CUX1: variants seen among roughly 807,000 people sequenced by gnomAD.
CUX1 encodes the protein protein CASP.
In CUX1, 31 loss-of-function variants were observed where a neutral mutation model predicts 158.8. The ratio of observed to expected loss-of-function variants is 0.20; its 90% CI spans 0.15 to 0.26. CUX1 has a LOEUF of 0.26. Ranked by LOEUF, CUX1 falls within the 10% of genes least tolerant of loss-of-function variation. The pLI, the probability that CUX1 is intolerant of heterozygous loss-of-function variation, is 1.00. For synonymous variants in CUX1, 879 were observed against 862.1 expected, an observed-to-expected ratio of 1.02 and a Z score of -0.34; for missense variants, 1,589 against 2,014.6, an observed-to-expected ratio of 0.79 and a Z score of 4.04.
At position 102,200,266 on chromosome 7, in the gene CUX1, T is replaced by TA. The variant is rs34285499; in HGVS notation, c.2062+97dup. 165 of 976,024 alleles carry TA rather than the reference T, an allele frequency of 1.7e-4. No homozygotes were observed. In the African/African-American group the frequency reaches 2.5e-3, roughly 15 times the overall value. 60.5% of individuals were successfully genotyped at this position (976,024 alleles called of 1,614,324 possible). A position where few individuals can be genotyped will look rare whatever the true frequency, so the allele number is the denominator to read the frequency against. Reference sequence around the variant, plus strand: ...CAGCAGTAATTAACTATTTTTTTTTTAAACAATAATGAATGCCTGTTCTCA... The same window carrying TA: ...CAGCAGTAATTAACTATTTTTTTTTTAAAACAATAATGAATGCCTGTTCTCA... On this transcript the variant is annotated intron_variant, in intron 17 of 23. Transcript: ENST00000292535.
chr7:102,199,104 C>T (rs541222788), intron 16 of CUX1, among the ~76,000 whole-genome samples: 2 of 152,292 alleles, frequency 1.3e-5, no homozygotes, highest in South Asian at 4.2e-4. Flanking sequence ...AAGCTAAGCC[C>T]CCCGAGTCTG....
intron 6 of CUX1, among the ~76,000 whole-genome samples, chr7:102,108,736 TTGTGTGTGTGTG>T (rs10527026): frequency 7.6e-5 from 11 of 145,062 alleles, no homozygotes; most frequent in African/African-American, 2.1e-4. Context: ...TTCATTCATT[TTGTGTGTGTGTG>T]TGTGTGTGTG....
chr7:101,896,809 C>G (rs979829809), intron 1 of CUX1, among the ~76,000 whole-genome samples: 1 of 152,200 alleles, frequency 6.6e-6, no homozygotes, highest in African/African-American at 2.4e-5. Context: ...TGAAGTTTTT[C>G]ATCTTAGAGG....
chr7:101,939,089 ATATATATATATATATATATATAT>A (rs2129134718), intron 2 of CUX1, among the ~76,000 whole-genome samples: 1 of 87,882 alleles, frequency 1.1e-5, no homozygotes, highest in East Asian at 3.4e-4. Context: ...ATATATATAT[ATATATATATATATATATATATAT>A]ATGATGGTTC....
chr7:102,152,275 C>T (rs955529972), intron 8 of CUX1, among the ~76,000 whole-genome samples: 9 of 152,094 alleles, frequency 5.9e-5, no homozygotes, highest in Non-Finnish European at 1.3e-4. Flanking sequence ...CACTTGAGCT[C>T]AGGACAAGAG....
intron 18 of CUX1, among the ~76,000 whole-genome samples, chr7:102,278,451 G>C (rs1791771358): frequency 6.6e-6 from 1 of 151,908 alleles, no homozygotes; most frequent in African/African-American, 2.4e-5. Flanking sequence ...AAGTATCCGG[G>C]CATGGTGGTG....
intron 1 of CUX1, among the ~76,000 whole-genome samples, chr7:101,829,864 G>A (rs1313172964): frequency 1.3e-5 from 2 of 152,164 alleles, no homozygotes; most frequent in African/African-American, 4.8e-5. Context: ...GGCTCAGGCT[G>A]TAAGGAGCCC....
At chr7:101,931,044 C>T (rs910288842) in intron 2 of CUX1, among the ~76,000 whole-genome samples, 1 of 152,038 alleles carries the variant, frequency 6.6e-6, no homozygotes, top group African/African-American at 2.4e-5. Flanking sequence ...TGCAGTGAGC[C>T]GAGATCACGC....
At chr7:102,283,389 G>A (rs1158490803) in exon 23 of CUX1, 2 of 424,856 alleles carry the variant, frequency 4.7e-6, no homozygotes, top group East Asian at 3.9e-5. Flanking sequence ...AGCCCTGGTG[G>A]CAGAGGTCCC....
At chr7:102,214,523 C>G (rs1321868473) in intron 20 of CUX1, among the ~76,000 whole-genome samples, 4 of 152,254 alleles carry the variant, frequency 2.6e-5, no homozygotes, top group African/African-American at 9.6e-5. Flanking sequence ...AATGTGTAAT[C>G]CACCTGGCCT....
intron 2 of CUX1, among the ~76,000 whole-genome samples, chr7:102,007,808 G>T (rs374541954): frequency 6.6e-6 from 1 of 151,266 alleles, no homozygotes; most frequent in Admixed American, 6.6e-5. Flanking sequence ...GCAGTGGTGC[G>T]ATCTCGGCTC....
intron 20 of CUX1, among the ~76,000 whole-genome samples, chr7:102,221,075 T>A (rs1462998678): frequency 1.3e-5 from 2 of 151,462 alleles, no homozygotes; most frequent in Admixed American, 1.3e-4. Flanking sequence ...TCCCCTAACC[T>A]CCTCCCTCCT....
At chr7:101,952,587 C>T (rs1164259084) in intron 2 of CUX1, among the ~76,000 whole-genome samples, 3 of 152,200 alleles carry the variant, frequency 2.0e-5, no homozygotes, top group Non-Finnish European at 4.4e-5. Context: ...GGTCTCTGGC[C>T]AGTGTCCCTC....
At chr7:102,240,427 G>C (rs1266529406) in intron 23 of CUX1, among the ~76,000 whole-genome samples, 1 of 151,844 alleles carries the variant, frequency 6.6e-6, no homozygotes, top group Non-Finnish European at 1.5e-5. Flanking sequence ...CACCATGCCT[G>C]CTGATTTTTT....
At chr7:102,064,689 G>C (rs1401488827) in intron 3 of CUX1, among the ~76,000 whole-genome samples, 1 of 152,142 alleles carries the variant, frequency 6.6e-6, no homozygotes, top group Non-Finnish European at 1.5e-5. Flanking sequence ...GGGGGAAGCT[G>C]TTCTGTGTGG....
chr7:102,007,130 T>G (rs1217312693), intron 2 of CUX1, among the ~76,000 whole-genome samples: 1 of 152,206 alleles, frequency 6.6e-6, no homozygotes, highest in Non-Finnish European at 1.5e-5. Context: ...TTATTTTGTT[T>G]GTATTTCATT....
intron 10 of CUX1, among the ~76,000 whole-genome samples, chr7:102,171,290 G>A (rs1265351480): frequency 5.3e-5 from 8 of 152,044 alleles, no homozygotes; most frequent in Admixed American, 2.0e-4. Context: ...CTGAGTCTCC[G>A]TTTCCCCGCC....
intron 17 of CUX1, among the ~76,000 whole-genome samples, chr7:102,276,834 G>A (rs1791638476): frequency 6.6e-6 from 1 of 152,102 alleles, no homozygotes; most frequent in Non-Finnish European, 1.5e-5. Context: ...CAGGTTTGGG[G>A]TTTCTTATTG....
chr7:101,834,995 CATAAATAAATAAATAA>C (rs60371062), intron 1 of CUX1, among the ~76,000 whole-genome samples: 63 of 149,054 alleles, frequency 4.2e-4, no homozygotes, highest in Middle Eastern at 3.4e-3. Context: ...GACTCTGTGT[CATAAATAAATAAATAA>C]ATAAATAAAT....
Sources: allele counts gnomAD v4.1 joint callset (sites outside exome capture counted in the v4.1 genomes callset), GRCh38; gene constraint gnomAD v4.1.1; transcripts MANE v1.5; gene names NCBI Gene and HGNC (gene_info 2026-07-23, HGNC 2026-07-21).